The following ZNF503 variants were observed in gnomAD, a reference collection of about 807,000 sequenced individuals.
ZNF503 encodes the protein zinc finger protein 503.
In ZNF503, 15 loss-of-function variants were observed where a neutral mutation model predicts 34.4. The observed-to-expected ratio is 0.44, with a 90% CI of 0.29 to 0.67. ZNF503 has a LOEUF of 0.67. Ranked by LOEUF, ZNF503 falls within the 30% of genes least tolerant of loss-of-function variation. ZNF503 has a pLI of 0.13. For missense variants in ZNF503, 1,007 were observed against 926.8 expected, an observed-to-expected ratio of 1.09 and a Z score of -1.12; for synonymous variants, 580 against 456.8, an observed-to-expected ratio of 1.27 and a Z score of -3.44.
At chr10:75,336,918 T>C in the ZNF503 span, among the ~76,000 whole-genome samples, 1 of 152,248 alleles carries the variant, frequency 6.6e-6, no homozygotes, top group African/African-American at 2.4e-5. Flanking sequence ...CTTATTTTTC[T>C]GCTACCAGCT....
Position 75,398,656 on chromosome 10 carries a change from G to C in ZNF503, c.*93C>G. ...CGTGGCCCGAGTCCTCCCCACGCGCGGGTGTCAGCAGCCTGGGCCGTGATC... is the reference window on the plus strand; with the variant it reads ...CGTGGCCCGAGTCCTCCCCACGCGCCGGTGTCAGCAGCCTGGGCCGTGATC... On this transcript the variant is annotated 3_prime_UTR_variant, in exon 2 of 2. Transcript: ENST00000372524. 1 of 1,166,776 alleles carries C rather than the reference G, an allele frequency of 8.6e-7. No individual in the cohort carries two copies. The highest frequency in any genetic ancestry group is 1.1e-6 in the Non-Finnish European group (1 of 913,450). The allele number at this position is 1,166,776 out of a possible 1,614,324, so 72.3% of individuals were successfully genotyped here.
Position 75,400,386 on chromosome 10 carries a change from G to A in ZNF503, c.316-12C>T, listed in dbSNP as rs1259389082. On this transcript the variant is annotated splice_polypyrimidine_tract_variant and intron_variant, in intron 1 of 1. Coordinates refer to ENST00000372524, the MANE Select transcript of ZNF503 (RefSeq NM_032772.6). ...TTCTTGGCATCGAGCTGCGGGGTCA[G>A]ACGATGGGGGGGGAGCGTCACACAG... 3.1e-6 allele frequency: 5 copies of A among 1,592,422 alleles called. No homozygotes were observed. Among genetic ancestry groups the A allele is most frequent in the East Asian group, 4.5e-5 (2 of 44,656 alleles).
chr10:75,379,252 A>G, the ZNF503 span, among the ~76,000 whole-genome samples: 1 of 152,306 alleles, frequency 6.6e-6, no homozygotes, highest in South Asian at 2.1e-4. Flanking sequence ...TACGAGCCCT[A>G]TTACCATACA....
chr10:75,389,790 T>A, the ZNF503 span, among the ~76,000 whole-genome samples: 2 of 152,198 alleles, frequency 1.3e-5, no homozygotes, highest in African/African-American at 4.8e-5. Context: ...GCACCATTTG[T>A]CTTCTTTATG....
chr10:75,295,243 G>A, the ZNF503 span, among the ~76,000 whole-genome samples: 7 of 151,816 alleles, frequency 4.6e-5, no homozygotes, highest in Non-Finnish European at 1.5e-5. This position sits in a 1 kb window ranked among gnomAD's most constrained non-coding sequence, Gnocchi z 4.0. Flanking sequence ...GCAGGAGGAG[G>A]CAGGGGCGCG....
At chr10:75,379,200 C>A in the ZNF503 span, among the ~76,000 whole-genome samples, 1 of 152,090 alleles carries the variant, frequency 6.6e-6, no homozygotes, top group South Asian at 2.1e-4. Context: ...GTAATAGCAG[C>A]CTAAGAGTGC....
chr10:75,298,503 T>C, the ZNF503 span, among the ~76,000 whole-genome samples: 1 of 152,244 alleles, frequency 6.6e-6, no homozygotes, highest in Non-Finnish European at 1.5e-5. Context: ...TCAAGATTCA[T>C]CCATGTTGTA....
At chr10:75,382,490 A>G in the ZNF503 span, 1 of 725,558 alleles carries the variant, frequency 1.4e-6, no homozygotes, top group Non-Finnish European at 2.2e-6. Context: ...CTGGATTTTG[A>G]CAGCAGCAAC....
chr10:75,401,566 G>A lies in ZNF503; in HGVS notation c.-147C>T, dbSNP rs938897456. The A allele has an allele frequency of 3.7e-5, 35 of 948,120 alleles. No individual in the cohort carries two copies. Among genetic ancestry groups the A allele is most frequent in the Non-Finnish European group, 5.4e-5 (35 of 643,188 alleles). 58.7% of individuals were successfully genotyped at this position (948,120 alleles called of 1,614,324 possible). A position where few individuals can be genotyped will look rare whatever the true frequency, so the allele number is the denominator to read the frequency against. On this transcript the variant is annotated 5_prime_UTR_variant, in exon 1 of 2. Coordinates refer to ENST00000372524, the MANE Select transcript of ZNF503 (RefSeq NM_032772.6). Reference sequence around the variant, plus strand: ...CCACGGGCGCCCAGCGCGCCTTCTCGGCGCCTGGAGCCAGACGCGAGTAAT... The same window carrying A: ...CCACGGGCGCCCAGCGCGCCTTCTCAGCGCCTGGAGCCAGACGCGAGTAAT...
chr10:75,311,020 A>G, the ZNF503 span, among the ~76,000 whole-genome samples: 55 of 152,246 alleles, frequency 3.6e-4, no homozygotes, highest in Non-Finnish European at 6.5e-4. Flanking sequence ...GAGGGACAGA[A>G]CTAATAGGAT....
chr10:75,369,330 A>AC, the ZNF503 span, among the ~76,000 whole-genome samples: 9 of 152,064 alleles, frequency 5.9e-5, no homozygotes. Flanking sequence ...AATTGTCATA[A>AC]CCCCCATGGG....
At chr10:75,334,222 C>T in the ZNF503 span, among the ~76,000 whole-genome samples, 14 of 151,986 alleles carry the variant, frequency 9.2e-5, no homozygotes, top group Non-Finnish European at 8.8e-5. Context: ...CGGGGCCCGT[C>T]CGCTCCTCCA....
the ZNF503 span, among the ~76,000 whole-genome samples, chr10:75,353,760 G>T: frequency 2.0e-5 from 3 of 152,156 alleles, no homozygotes; most frequent in Non-Finnish European, 4.4e-5. Context: ...GAGCAAATGG[G>T]AGATCACTCT....
At chr10:75,363,029 G>A in the ZNF503 span, among the ~76,000 whole-genome samples, 4 of 152,020 alleles carry the variant, frequency 2.6e-5, no homozygotes, top group East Asian at 1.9e-4. Flanking sequence ...AGACAGCAGC[G>A]GAGGTGGCAG....
the ZNF503 span, among the ~76,000 whole-genome samples, chr10:75,300,563 T>G: frequency 6.6e-6 from 1 of 152,180 alleles, no homozygotes; most frequent in Non-Finnish European, 1.5e-5. Flanking sequence ...GCATAAGAAA[T>G]TATAAAAGTA....
the ZNF503 span, among the ~76,000 whole-genome samples, chr10:75,306,545 T>A: frequency 6.6e-6 from 1 of 152,248 alleles, no homozygotes; most frequent in Non-Finnish European, 1.5e-5. Flanking sequence ...AAGTTTTTAA[T>A]TTTCATGATG....
At position 75,397,883 on chromosome 10, in the gene ZNF503, G is replaced by A. The variant is rs955922226; in HGVS notation, c.*866C>T. 6.6e-6 allele frequency: 1 copy of A among 152,640 alleles called. No homozygotes were observed. The highest frequency in any genetic ancestry group is 1.5e-5 in the Non-Finnish European group (1 of 68,040). The allele number at this position is 152,640 out of a possible 1,614,324, so 9.5% of individuals were successfully genotyped here. A position where few individuals can be genotyped will look rare whatever the true frequency, so the allele number is the denominator to read the frequency against. ...TATACGGAATTTTAATCTTTAAAGC[G>A]ATACATTGTCTATTATTTTAGTACA... is the stretch of plus-strand genomic sequence containing the variant. On this transcript the variant is annotated 3_prime_UTR_variant, in exon 2 of 2. Coordinates refer to ENST00000372524, the MANE Select transcript of ZNF503 (RefSeq NM_032772.6).
the ZNF503 span, among the ~76,000 whole-genome samples, chr10:75,355,261 T>C: frequency 6.6e-6 from 1 of 152,176 alleles, no homozygotes; most frequent in Non-Finnish European, 1.5e-5. Context: ...CTTCCCCTCC[T>C]TAAATCAGAG....
At chr10:75,332,193 G>A in the ZNF503 span, among the ~76,000 whole-genome samples, 17 of 151,880 alleles carry the variant, frequency 1.1e-4, 2 homozygotes, top group African/African-American at 4.1e-4. Context: ...TTTGTTTTTG[G>A]AAAATTCATA....
Sources: allele counts gnomAD v4.1 joint callset (sites outside exome capture counted in the v4.1 genomes callset), GRCh38; gene constraint gnomAD v4.1.1; non-coding constraint Gnocchi (gnomAD v3.1); transcripts MANE v1.5; gene names NCBI Gene and HGNC (gene_info 2026-07-23, HGNC 2026-07-21).